MACROD2: variants seen among roughly 807,000 people sequenced by gnomAD.
MACROD2 encodes the protein ADP-ribose glycohydrolase MACROD2.
A neutral mutation model predicts 70.4 loss-of-function variants in MACROD2; 36 were observed. The observed-to-expected ratio is 0.51, with a 90% CI of 0.39 to 0.68. The LOEUF (loss-of-function observed/expected upper bound fraction) is 0.68. MACROD2 is among the 30% of genes least tolerant of loss of function. MACROD2 has a pLI of 0.00. For synonymous variants in MACROD2, 172 were observed against 178.8 expected, an observed-to-expected ratio of 0.96 and a Z score of 0.30; for missense variants, 496 against 538.4, an observed-to-expected ratio of 0.92 and a Z score of 0.78.
intron 3 of MACROD2, among the ~76,000 whole-genome samples, chr20:14,102,317 A>G (rs938496658): frequency 6.6e-6 from 1 of 152,076 alleles, no homozygotes; most frequent in African/African-American, 2.4e-5. Flanking sequence ...GAGTACTTTC[A>G]TTGCTTCTGA....
rs181870117 is a variant in MACROD2 at position 16,034,396 on chromosome 20, C to G, written c.1154-6805C>G. Among the ~76,000 whole-genome samples, 464 of 152,090 alleles carry G rather than the reference C, an allele frequency of 3.1e-3. 2 individuals are homozygous for G. The highest frequency in any genetic ancestry group is 0.01 in the African/African-American group (416 of 41,514). On this transcript the variant is annotated intron_variant, in intron 15 of 17. Transcript: ENST00000684519. ...GTTGCACATGCATTCTAGACCTAGACAGTGAACTGGGAAGTCTAGGGGAAA... is the reference window on the plus strand; with the variant it reads ...GTTGCACATGCATTCTAGACCTAGAGAGTGAACTGGGAAGTCTAGGGGAAA...
intron 5 of MACROD2, among the ~76,000 whole-genome samples, chr20:14,721,395 T>C (rs2071468200): frequency 6.6e-6 from 1 of 152,082 alleles, no homozygotes; most frequent in South Asian, 2.1e-4. Context: ...AGATACTGTC[T>C]CAAAAACAAA....
At chr20:15,687,057 C>T (rs1052281886) in intron 8 of MACROD2, among the ~76,000 whole-genome samples, 3 of 146,362 alleles carry the variant, frequency 2.0e-5, no homozygotes, top group African/African-American at 5.0e-5. Context: ...GAAAATCTAA[C>T]CAACCCCAGG....
chr20:14,748,371 C>T (rs2071826777), intron 5 of MACROD2, among the ~76,000 whole-genome samples: 2 of 152,172 alleles, frequency 1.3e-5, no homozygotes, highest in South Asian at 2.1e-4. Context: ...CTTCAAGAAA[C>T]CATCTCCATC....
At chr20:15,646,932 G>A (rs973248116) in intron 8 of MACROD2, among the ~76,000 whole-genome samples, 2 of 152,184 alleles carry the variant, frequency 1.3e-5, no homozygotes, top group Non-Finnish European at 2.9e-5. Context: ...ACACAGCACA[G>A]ACATAGTGCA....
At position 15,147,947 on chromosome 20, in the gene MACROD2, A is replaced by G. The variant is rs527715330; in HGVS notation, c.419-81993A>G. ...GATGAGCCAGGATAAGGAATTTCAC[A>G]AGATAATGTCATCAGTTAAGGCAGG... On this transcript the variant is annotated intron_variant, in intron 5 of 17. Transcript: ENST00000684519. 2.6e-5 allele frequency among the ~76,000 whole-genome samples: 4 copies of G among 152,248 alleles called. No individual in the cohort carries two copies. In the East Asian group the frequency reaches 7.7e-4, roughly 29 times the overall value.
At chr20:15,472,842 C>A (rs2146437617) in intron 7 of MACROD2, among the ~76,000 whole-genome samples, 1 of 152,288 alleles carries the variant, frequency 6.6e-6, no homozygotes, top group Non-Finnish European at 1.5e-5. Context: ...AGTACCTCTA[C>A]AGAATCTTGT....
chr20:14,469,156 G>A (rs201526645), intron 3 of MACROD2, among the ~76,000 whole-genome samples: 2 of 151,482 alleles, frequency 1.3e-5, no homozygotes, highest in Non-Finnish European at 2.9e-5. Flanking sequence ...TTGCTTGTCT[G>A]TAAAGGATTT....
chr20:15,378,835 G>A (rs1292918416), intron 6 of MACROD2, among the ~76,000 whole-genome samples: 1 of 152,054 alleles, frequency 6.6e-6, no homozygotes, highest in Non-Finnish European at 1.5e-5. Flanking sequence ...ACTATAAACT[G>A]GAAGACTACC....
intron 8 of MACROD2, among the ~76,000 whole-genome samples, chr20:15,679,096 G>A (rs563251222): frequency 1.3e-5 from 2 of 152,208 alleles, no homozygotes; most frequent in East Asian, 3.9e-4. Flanking sequence ...AATTAGCTGG[G>A]TGTAGTGGCA....
At chr20:14,356,262 C>T (rs1458093018) in intron 3 of MACROD2, among the ~76,000 whole-genome samples, 2 of 152,108 alleles carry the variant, frequency 1.3e-5, no homozygotes. Flanking sequence ...TTAAAATTGT[C>T]AGCAGAGTAT....
chr20:15,057,387 G>GTGATGCTGTCCTCCCTGTGGACTA (rs1027996604), intron 5 of MACROD2, among the ~76,000 whole-genome samples: 11 of 152,104 alleles, frequency 7.2e-5, no homozygotes, highest in Non-Finnish European at 1.6e-4. Flanking sequence ...TCACTAGTTG[G>GTGATGCTGTCCTCCCTGTGGACTA]GATGCTGTCC....
chr20:15,515,069 G>A (rs1600519853), intron 8 of MACROD2, among the ~76,000 whole-genome samples: 1 of 152,290 alleles, frequency 6.6e-6, no homozygotes, highest in Middle Eastern at 3.4e-3. Context: ...GCAGGTCCAT[G>A]GTTTGGTCAA....
intron 8 of MACROD2, among the ~76,000 whole-genome samples, chr20:15,733,930 A>G (rs766569416): frequency 2.6e-5 from 4 of 152,156 alleles, no homozygotes; most frequent in Non-Finnish European, 4.4e-5. Flanking sequence ...ACAGGACACA[A>G]TTTTTATGGA....
At chr20:15,529,376 C>T (rs1194799342) in intron 8 of MACROD2, among the ~76,000 whole-genome samples, 1 of 151,596 alleles carries the variant, frequency 6.6e-6, no homozygotes, top group African/African-American at 2.4e-5. Flanking sequence ...TTATTTTGCT[C>T]CTTTATATTT....
At chr20:15,294,365 C>T (rs2077568058) in intron 6 of MACROD2, among the ~76,000 whole-genome samples, 1 of 152,092 alleles carries the variant, frequency 6.6e-6, no homozygotes, top group Admixed American at 6.6e-5. Context: ...TTCAAACCCC[C>T]AGTTATTAGG....
chr20:14,939,367 T>A (rs896639221), intron 5 of MACROD2, among the ~76,000 whole-genome samples: 1 of 152,170 alleles, frequency 6.6e-6, no homozygotes, highest in Non-Finnish European at 1.5e-5. Context: ...CATTGTATGT[T>A]CTTGGTGGCT....
intron 15 of MACROD2, among the ~76,000 whole-genome samples, chr20:16,029,240 G>A (rs941155418): frequency 6.6e-6 from 1 of 152,126 alleles, no homozygotes; most frequent in Non-Finnish European, 1.5e-5. Context: ...GCAGGTTGGG[G>A]CTACAACCTT....
chr20:14,489,464 C>T (rs2084769914), intron 3 of MACROD2, among the ~76,000 whole-genome samples: 1 of 152,118 alleles, frequency 6.6e-6, no homozygotes, highest in Non-Finnish European at 1.5e-5. Flanking sequence ...TAATGTATGC[C>T]ATTCTGAAAG....
Sources: allele counts gnomAD v4.1 joint callset (sites outside exome capture counted in the v4.1 genomes callset), GRCh38; gene constraint gnomAD v4.1.1; transcripts MANE v1.5; gene names NCBI Gene and HGNC (gene_info 2026-07-23, HGNC 2026-07-21).